The following CPVL variants were observed in gnomAD, a reference collection of about 807,000 sequenced individuals.
CPVL encodes the protein probable serine carboxypeptidase CPVL.
CPVL carries 51 observed loss-of-function variants against 63.7 expected under a neutral mutation model. The ratio of observed to expected loss-of-function variants is 0.80; its 90% CI spans 0.64 to 1.01. The LOEUF (loss-of-function observed/expected upper bound fraction) is 1.01. Among genes scored for constraint, CPVL ranks in the 50% least tolerant of loss-of-function variants. CPVL has a pLI of 0.00. For missense variants in CPVL, 530 were observed against 573.1 expected (o/e 0.92, Z 0.77); for synonymous variants, 195 against 206.0 (o/e 0.95, Z 0.46).
chr7:29,040,316 A>C (rs977280765), intron 11 of CPVL, among the ~76,000 whole-genome samples: 3 of 152,252 alleles, frequency 2.0e-5, no homozygotes, highest in Non-Finnish European at 4.4e-5. Context: ...AATAATTCCC[A>C]TGGGTTTCCC....
chr7:29,162,129 A>G (rs1795254005), intron 5 of CPVL, among the ~76,000 whole-genome samples: 1 of 152,220 alleles, frequency 6.6e-6, no homozygotes, highest in Admixed American at 6.5e-5. Context: ...TAAAAAGTTA[A>G]ACACACATTT....
At chr7:29,136,607 G>C (rs982231884) in intron 1 of CPVL, among the ~76,000 whole-genome samples, 1 of 152,112 alleles carries the variant, frequency 6.6e-6, no homozygotes, top group African/African-American at 2.4e-5. Context: ...GGAATTAAAG[G>C]CTAGAACAGA....
At chr7:29,188,824 C>T (rs1799032869) in intron 1 of CPVL, among the ~76,000 whole-genome samples, 1 of 152,072 alleles carries the variant, frequency 6.6e-6, no homozygotes, top group Non-Finnish European at 1.5e-5. Context: ...GCTATAATTC[C>T]CAAACAGAAA....
intron 11 of CPVL, among the ~76,000 whole-genome samples, chr7:29,046,752 A>G (rs551709142): frequency 2.6e-5 from 4 of 152,206 alleles, no homozygotes; most frequent in Non-Finnish European, 5.9e-5. Context: ...ATACGGGACC[A>G]GGGGACCTCT....
intron 3 of CPVL, among the ~76,000 whole-genome samples, chr7:29,109,263 A>G (rs1235932176): frequency 6.6e-6 from 1 of 152,232 alleles, no homozygotes; most frequent in East Asian, 1.9e-4. Flanking sequence ...TTTGTATACA[A>G]TAACAGGGCA....
intron 5 of CPVL, among the ~76,000 whole-genome samples, chr7:29,178,644 G>A (rs1424793191): frequency 2.0e-5 from 3 of 152,140 alleles, no homozygotes; most frequent in Admixed American, 2.0e-4. Context: ...CTTAAGGGCA[G>A]GGACTTTGTT....
chr7:29,149,381 A>C (rs117067567), upstream of CPVL, among the ~76,000 whole-genome samples: 6,641 of 151,902 alleles, frequency 0.044, 214 homozygotes, highest in South Asian at 0.093. Context: ...TGTAGTAGAC[A>C]CGGGGTTTCA....
chr7:29,064,406 G>GA (rs759397557), intron 10 of CPVL, among the ~76,000 whole-genome samples, 172 bp from the exon 11 acceptor site: 11 of 152,110 alleles, frequency 7.2e-5, no homozygotes, highest in Non-Finnish European at 1.6e-4. Flanking sequence ...AATTTAGGTG[G>GA]AATCTTTTTA....
At chr7:29,112,992 A>G (rs1031382317) in intron 2 of CPVL, 170 bp from the exon 3 acceptor site, 3 of 545,522 alleles carry the variant, frequency 5.5e-6, no homozygotes, top group Non-Finnish European at 9.9e-6. Flanking sequence ...CCAATCCCAC[A>G]TAGTCCACGT....
intron 12 of CPVL, among the ~76,000 whole-genome samples, chr7:29,003,377 T>C (rs896868588): frequency 5.9e-5 from 9 of 152,138 alleles, no homozygotes; most frequent in Non-Finnish European, 4.4e-5. Flanking sequence ...AACCTAGAAC[T>C]TGTATAGAAA....
chr7:29,108,567 A>G (rs1787948465), intron 3 of CPVL, among the ~76,000 whole-genome samples: 4 of 152,116 alleles, frequency 2.6e-5, no homozygotes, highest in Admixed American at 2.6e-4. Context: ...TGACTGGTTT[A>G]GTTCTTGACA....
intron 11 of CPVL, among the ~76,000 whole-genome samples, chr7:29,059,952 A>C (rs921635532): frequency 3.3e-5 from 5 of 152,178 alleles, no homozygotes; most frequent in Admixed American, 2.6e-4. Context: ...ACAAATCTAA[A>C]AAGAGTTCTT....
At chr7:29,123,772 C>T (rs1263636167) in intron 1 of CPVL, among the ~76,000 whole-genome samples, 3 of 148,552 alleles carry the variant, frequency 2.0e-5, no homozygotes, top group African/African-American at 7.4e-5. Context: ...TCTCAATCTT[C>T]CTGCTGCCAA....
rs369615945 is a variant in CPVL at position 29,063,663 on chromosome 7, C to T, written c.1137+398G>A. ...TTGGCTCACTGCAACCTCTGCCTCC[C>T]GGGTTCAAGTGATTCTCACGCCTCA... On this transcript the variant is annotated intron_variant, in intron 11 of 12. Transcript: ENST00000265394. 9.2e-5 allele frequency among the ~76,000 whole-genome samples: 14 copies of T among 152,216 alleles called. No individual in the cohort carries two copies. The East Asian group carries it at 2.5e-3, about 27-fold the overall frequency.
At chr7:29,105,017 C>T (rs1391302903) in intron 3 of CPVL, among the ~76,000 whole-genome samples, 1 of 152,036 alleles carries the variant, frequency 6.6e-6, no homozygotes, top group African/African-American at 2.4e-5. Flanking sequence ...TCTCTGATGC[C>T]ATTAAGTACG....
At chr7:29,005,573 A>G (rs1785111225) in intron 12 of CPVL, among the ~76,000 whole-genome samples, 2 of 151,976 alleles carry the variant, frequency 1.3e-5, no homozygotes, top group South Asian at 4.1e-4. Flanking sequence ...ATCCCTGCCA[A>G]TGCCATGATC....
chr7:29,067,366 G>A (rs1390574669), intron 9 of CPVL, among the ~76,000 whole-genome samples: 1 of 152,200 alleles, frequency 6.6e-6, no homozygotes, highest in African/African-American at 2.4e-5. Context: ...GGGGTTGGTA[G>A]GCAGACACAG....
intron 11 of CPVL, among the ~76,000 whole-genome samples, chr7:29,031,257 G>A (rs1787998556): frequency 6.6e-6 from 1 of 152,168 alleles, no homozygotes; most frequent in African/African-American, 2.4e-5. Flanking sequence ...GCAGCAGACA[G>A]AGAGATTCAG....
chr7:29,194,892 C>T (rs2128760849), intron 1 of CPVL: 1 of 1,417,582 alleles, frequency 7.1e-7, no homozygotes. Context: ...GCAGCGGCGG[C>T]GGCGTCCGCA....
Sources: gnomAD v4.1 joint callset for allele counts (sites outside exome capture counted in the v4.1 genomes callset) on GRCh38, gnomAD v4.1.1 for gene constraint, MANE v1.5 for transcripts, NCBI Gene and HGNC (gene_info 2026-07-23, HGNC 2026-07-21) for gene names.